The following FLT1 variants were observed in gnomAD, a reference collection of about 807,000 sequenced individuals.
FLT1 encodes fms related receptor tyrosine kinase 1.
FLT1 carries 49 observed loss-of-function variants against 156.3 expected under a neutral mutation model. The ratio of observed to expected loss-of-function variants is 0.31; its 90% CI spans 0.25 to 0.40. FLT1 has a LOEUF of 0.40. FLT1 is among the 10% of genes least tolerant of loss of function. The pLI is 1.00. For missense variants in FLT1, 1,322 were observed against 1,637.2 expected, an observed-to-expected ratio of 0.81 and a Z score of 3.32; for synonymous variants, 594 against 583.8, an observed-to-expected ratio of 1.02 and a Z score of -0.25.
At chr13:28,360,281 C>T (rs1439174109) in intron 14 of FLT1, among the ~76,000 whole-genome samples, 1 of 152,150 alleles carries the variant, frequency 6.6e-6, no homozygotes, top group African/African-American at 2.4e-5. Flanking sequence ...CATATGGAGC[C>T]TCTCAAACAA....
chr13:28,396,281 C>A (rs1366117223), intron 12 of FLT1, among the ~76,000 whole-genome samples: 2 of 152,204 alleles, frequency 1.3e-5, no homozygotes, highest in African/African-American at 4.8e-5. Context: ...TGGCTTACTG[C>A]CCATGTTTCC....
At chr13:28,306,081 G>A (rs548552533) in intron 29 of FLT1, among the ~76,000 whole-genome samples, 12 of 152,328 alleles carry the variant, frequency 7.9e-5, no homozygotes, top group African/African-American at 1.4e-4. Context: ...GTAGAGACTC[G>A]CACAGAGAAG....
intron 12 of FLT1, 169 bp downstream of exon 12, chr13:28,396,791 C>T (rs778619254): frequency 6.4e-5 from 45 of 699,758 alleles, no homozygotes; most frequent in South Asian, 5.0e-4. Flanking sequence ...TTACGAGATC[C>T]GATGAGGTAG....
At chr13:28,319,962 G>T (rs1039238650) in intron 23 of FLT1, among the ~76,000 whole-genome samples, 11 of 152,210 alleles carry the variant, frequency 7.2e-5, no homozygotes, top group African/African-American at 2.7e-4. Context: ...TATGCAAAAA[G>T]ACAAGATTTC....
intron 16 of FLT1, among the ~76,000 whole-genome samples, chr13:28,342,684 G>C (rs1872383135): frequency 6.6e-6 from 1 of 152,132 alleles, no homozygotes; most frequent in Non-Finnish European, 1.5e-5. Context: ...TAGTGACTTT[G>C]GATCAGTTAA....
chr13:28,437,459 G>A (rs150697227), intron 4 of FLT1, among the ~76,000 whole-genome samples: 24 of 152,222 alleles, frequency 1.6e-4, no homozygotes, highest in African/African-American at 5.1e-4. Flanking sequence ...GCTCTGGGGC[G>A]GACTTGACTT....
At chr13:28,410,825 A>G (rs1876119943) in intron 10 of FLT1, among the ~76,000 whole-genome samples, 1 of 152,234 alleles carries the variant, frequency 6.6e-6, no homozygotes, top group African/African-American at 2.4e-5. Context: ...ACTCAGAAAA[A>G]TCAAATGCTT....
At chr13:28,385,772 GAATTC>G (rs1555233533) in intron 13 of FLT1, 1 of 1,015,132 alleles carries the variant, frequency 9.9e-7, no homozygotes, top group Non-Finnish European at 1.2e-6. Flanking sequence ...ACAACAAAAT[GAATTC>G]AATACATTAA....
At chr13:28,368,703 CTTTTTTTT>C in intron 14 of FLT1, 2 of 565,808 alleles carry the variant, frequency 3.5e-6, no homozygotes, top group Non-Finnish European at 6.2e-6. Context: ...AGATTGGCAG[CTTTTTTTT>C]TTTTTTTTTT....
chr13:28,421,438 C>A (rs569096119), intron 10 of FLT1, among the ~76,000 whole-genome samples: 3 of 152,146 alleles, frequency 2.0e-5, no homozygotes, highest in Non-Finnish European at 2.9e-5. Context: ...AATGAGCATG[C>A]CTTCATTTGT....
chr13:28,420,654 A>C (rs999722517), intron 10 of FLT1, among the ~76,000 whole-genome samples: 3 of 152,214 alleles, frequency 2.0e-5, no homozygotes, highest in Non-Finnish European at 2.9e-5. Flanking sequence ...GTGTAGGTGG[A>C]AAATAAAATA....
At chr13:28,319,593 C>A in intron 23 of FLT1, 59 bp from the exon 24 acceptor site, 2 of 992,158 alleles carry the variant, frequency 2.0e-6, no homozygotes, top group Non-Finnish European at 1.6e-6. Flanking sequence ...ACATTCAACC[C>A]GAGTGTCCAT....
chr13:28,318,404 C>G (rs1256010896), intron 24 of FLT1, among the ~76,000 whole-genome samples: 1 of 151,992 alleles, frequency 6.6e-6, no homozygotes, highest in Non-Finnish European at 1.5e-5. Flanking sequence ...GCCCAGGATT[C>G]CCCTGCAACC....
chr13:28,433,772 G>A, intron 6 of FLT1, 47 bp downstream of exon 6: 2 of 1,586,436 alleles, frequency 1.3e-6, no homozygotes, highest in Non-Finnish European at 1.7e-6. Context: ...GATTTCACTT[G>A]CTTAAAATAC....
chr13:28,408,936 A>G (rs1020259407), intron 10 of FLT1, among the ~76,000 whole-genome samples: 3 of 152,196 alleles, frequency 2.0e-5, no homozygotes, highest in African/African-American at 4.8e-5. Flanking sequence ...ACTCCATGTC[A>G]TCTCTGCTGA....
At chr13:28,414,542 T>A (rs1482054870) in intron 10 of FLT1, among the ~76,000 whole-genome samples, 1 of 152,260 alleles carries the variant, frequency 6.6e-6, no homozygotes, top group Non-Finnish European at 1.5e-5. Flanking sequence ...TGATACTTAA[T>A]GTGTAACACA....
At chr13:28,484,867 T>C (rs868585329) in intron 1 of FLT1, among the ~76,000 whole-genome samples, 2 of 150,224 alleles carry the variant, frequency 1.3e-5, no homozygotes, top group South Asian at 4.2e-4. Context: ...AGCATCAGTT[T>C]TTGCATGGTT....
In FLT1 at chr13:28,439,630, C is replaced by T. The variant is rs140627433; in HGVS notation, c.389-1285G>A. On this transcript the variant is annotated intron_variant, in intron 3 of 29. Transcript: ENST00000282397. The surrounding 1 kb of genome is among the most constrained non-coding windows in gnomAD (Gnocchi z 4.1). ...GCTTAAGCTAAGTAAGGGAGGGCTC[C>T]TCATCCAATGTGATTAGCATCCTTG... Among the ~76,000 whole-genome samples, 1,095 of 152,312 alleles carry T rather than the reference C, an allele frequency of 7.2e-3. 35 individuals carry two copies. The highest frequency in any genetic ancestry group is 0.06 in the Admixed American group (910 of 15,292).
At chr13:28,474,178 G>A (rs568946729) in intron 1 of FLT1, among the ~76,000 whole-genome samples, 138 of 152,168 alleles carry the variant, frequency 9.1e-4, no homozygotes, top group Middle Eastern at 3.4e-3. Flanking sequence ...AAAACAGGCC[G>A]GGCATGGTGG....
Sources: gnomAD v4.1 joint callset for allele counts (sites outside exome capture counted in the v4.1 genomes callset) on GRCh38, gnomAD v4.1.1 for gene constraint, Gnocchi (gnomAD v3.1) non-coding constraint, MANE v1.5 for transcripts, NCBI Gene and HGNC (gene_info 2026-07-23, HGNC 2026-07-21) for gene names.